Variants in SPATA7 observed in about 807,000 individuals in gnomAD.
The protein encoded by SPATA7 is spermatogenesis-associated protein 7.
A neutral mutation model predicts 51.8 loss-of-function variants in SPATA7; 43 were observed. The ratio of observed to expected loss-of-function variants is 0.83; its 90% CI spans 0.65 to 1.07. The LOEUF is 1.07. SPATA7 is among the 50% of genes least tolerant of loss of function. The pLI is 0.00. For synonymous variants in SPATA7, 230 were observed against 252.8 expected (o/e 0.91, Z 0.86); for missense variants, 683 against 701.3 (o/e 0.97, Z 0.30).
At chr14:88,413,370 A>G (rs1243189206) in intron 4 of SPATA7, among the ~76,000 whole-genome samples, 3 of 152,150 alleles carry the variant, frequency 2.0e-5, no homozygotes, top group African/African-American at 7.2e-5. Flanking sequence ...GTGTATAGAA[A>G]TGCTACTGAT....
At chr14:88,424,856 T>C (rs2076744224) in intron 5 of SPATA7, among the ~76,000 whole-genome samples, 1 of 152,180 alleles carries the variant, frequency 6.6e-6, no homozygotes, top group Non-Finnish European at 1.5e-5. Context: ...AAAGGTGATT[T>C]GACATATTTT....
chr14:88,404,271 A>G (rs759725671), intron 4 of SPATA7, among the ~76,000 whole-genome samples: 5 of 152,230 alleles, frequency 3.3e-5, no homozygotes, highest in African/African-American at 9.6e-5. Context: ...TCTAAATTCA[A>G]TGTGAGCTCA....
At chr14:88,456,555 A>G (rs2077285059), downstream of SPATA7, among the ~76,000 whole-genome samples, 1 of 152,098 alleles carries the variant, frequency 6.6e-6, no homozygotes, top group Non-Finnish European at 1.5e-5. Context: ...TCCTTCGCCC[A>G]CTTGTTGATG....
rs1021199970 is a variant in SPATA7 at position 88,429,478 on chromosome 14, G to A, written c.1028+15G>A. On this transcript the variant is annotated intron_variant, in intron 8 of 11. Coordinates refer to ENST00000393545, the MANE Select transcript of SPATA7 (RefSeq NM_018418.5). ...TCCTCACCAAGGTAAACAGTTCACA[G>A]GAGAAATAATTTCAACTGTCTTTAA... The A allele has an allele frequency of 6.6e-7, 1 of 1,526,692 alleles. No homozygotes were observed. Among genetic ancestry groups the A allele is most frequent in the Non-Finnish European group, 9.1e-7 (1 of 1,101,426 alleles). The allele number at this position is 1,526,692 out of a possible 1,614,324, so 94.6% of individuals were successfully genotyped here.
intron 4 of SPATA7, among the ~76,000 whole-genome samples, chr14:88,399,630 A>G (rs2076001688): frequency 6.6e-6 from 1 of 152,214 alleles, no homozygotes; most frequent in African/African-American, 2.4e-5. Context: ...TTTGTAGCAC[A>G]AAACTGGTTC....
intron 4 of SPATA7, among the ~76,000 whole-genome samples, chr14:88,460,478 C>A (rs879847052): frequency 6.6e-6 from 1 of 152,176 alleles, no homozygotes; most frequent in African/African-American, 2.4e-5. Flanking sequence ...ATCACTGATA[C>A]CCTTTCTTCC....
chr14:88,415,088 CAAATTT>C (rs2076439936), intron 4 of SPATA7: 1 of 173,898 alleles, frequency 5.8e-6, no homozygotes, highest in African/African-American at 2.4e-5. Context: ...GGTCAGGTGT[CAAATTT>C]AAATCCAGAA....
chr14:88,436,757 T>C (rs1022921405), intron 10 of SPATA7, among the ~76,000 whole-genome samples: 9 of 152,178 alleles, frequency 5.9e-5, no homozygotes, highest in Non-Finnish European at 1.2e-4. Flanking sequence ...GATTTGTTTC[T>C]GAGTTCTCTA....
At chr14:88,419,616 T>C (rs950381759) in intron 5 of SPATA7, among the ~76,000 whole-genome samples, 1 of 150,808 alleles carries the variant, frequency 6.6e-6, no homozygotes, top group African/African-American at 2.4e-5. Context: ...AAGCTCTGCC[T>C]CCCGGGTTCA....
intron 4 of SPATA7, among the ~76,000 whole-genome samples, chr14:88,411,853 G>T (rs1275448615): frequency 6.6e-6 from 1 of 152,112 alleles, no homozygotes; most frequent in Non-Finnish European, 1.5e-5. Context: ...GATTTTTTGG[G>T]GGGGGTTTAT....
intron 3 of SPATA7, among the ~76,000 whole-genome samples, chr14:88,444,175 T>A (rs1450220252): frequency 1.3e-5 from 2 of 152,100 alleles, no homozygotes; most frequent in East Asian, 3.9e-4. Flanking sequence ...TGATCGCCAT[T>A]CTAACTGGTG....
intron 3 of SPATA7, among the ~76,000 whole-genome samples, chr14:88,450,605 A>G (rs1245066684): frequency 6.6e-6 from 1 of 152,158 alleles, no homozygotes; most frequent in Non-Finnish European, 1.5e-5. Context: ...GCTTTGTTTA[A>G]GGAAGCTAAA....
chr14:88,460,404 A>G lies in SPATA7; in HGVS notation c.255-9443A>G, dbSNP rs569115262. ...CCCATATTTCTTGGAGGCTTTGTTC[A>G]TTTCCTTTTACTCTTTTTTCTCTAA... On this transcript the variant is annotated intron_variant, in intron 4 of 4. Transcript: ENST00000556406. Among the ~76,000 whole-genome samples the G allele has an allele frequency of 1.2e-3, 180 of 152,018 alleles. 1 individual carries two copies. The highest frequency in any genetic ancestry group is 4.0e-3 in the African/African-American group (167 of 41,448).
intron 4 of SPATA7, chr14:88,415,993 C>T (rs1197666654): frequency 6.6e-6 from 1 of 152,418 alleles, no homozygotes; most frequent in Admixed American, 6.5e-5. Context: ...CCCCCACAGC[C>T]TTCCCCTCTC....
At chr14:88,453,465 G>T (rs2077265357) in intron 3 of SPATA7, among the ~76,000 whole-genome samples, 1 of 149,468 alleles carries the variant, frequency 6.7e-6, no homozygotes, top group South Asian at 2.1e-4. Flanking sequence ...AGCAGCTTTT[G>T]TGGGCAAGAC....
intron 3 of SPATA7, among the ~76,000 whole-genome samples, chr14:88,445,791 T>C (rs1342473325): frequency 1.3e-5 from 2 of 152,246 alleles, no homozygotes; most frequent in East Asian, 1.9e-4. Flanking sequence ...ATTACCTTTA[T>C]TGATTTGCGT....
intron 4 of SPATA7, among the ~76,000 whole-genome samples, chr14:88,410,312 C>G (rs142278139): frequency 0.035 from 5,367 of 152,202 alleles, 308 homozygotes; most frequent in African/African-American, 0.12. Flanking sequence ...GTTAGCTCTT[C>G]TTGTTGCATT....
rs192674398 is a variant in SPATA7 at position 88,426,863 on chromosome 14, A to G, written c.845+159A>G. ...CTTTTCCTTTTCCATGTATCACTAG[A>G]ACTATCAGAGTAATTGCTGAAAAAT... is the stretch of plus-strand genomic sequence containing the variant. On this transcript the variant is annotated intron_variant, in intron 6 of 11. Transcript: ENST00000393545. 1.7e-3 allele frequency among the ~76,000 whole-genome samples: 254 copies of G among 152,338 alleles called. 4 individuals carry two copies. Among genetic ancestry groups the G allele is most frequent in the African/African-American group, 5.7e-3 (237 of 41,574 alleles).
downstream of SPATA7, among the ~76,000 whole-genome samples, chr14:88,438,957 A>G (rs1280520220): frequency 6.6e-6 from 1 of 152,230 alleles, no homozygotes; most frequent in Non-Finnish European, 1.5e-5. Flanking sequence ...AGCAAGTCAC[A>G]GGTCTTGCCC....
Sources: allele counts gnomAD v4.1 joint callset (sites outside exome capture counted in the v4.1 genomes callset), GRCh38; gene constraint gnomAD v4.1.1; transcripts MANE v1.5; gene names NCBI Gene and HGNC (gene_info 2026-07-23, HGNC 2026-07-21).